The following HSD17B2 variants were observed in gnomAD, a reference collection of about 807,000 sequenced individuals.
HSD17B2 encodes the protein 17-beta-hydroxysteroid dehydrogenase type 2.
Under a neutral mutation model 26.9 loss-of-function variants are expected in HSD17B2, and 32 were observed. The observed-to-expected ratio is 1.19, with a 90% CI of 0.90 to 1.60. The LOEUF (loss-of-function observed/expected upper bound fraction) is 1.60, where lower values mean the gene tolerates loss of function less well. HSD17B2 is among the 40% of genes most tolerant of loss of function. HSD17B2 has a pLI of 0.00. For synonymous variants in HSD17B2, 246 were observed against 186.7 expected, an observed-to-expected ratio of 1.32 and a Z score of -2.59; for missense variants, 613 against 468.6, an observed-to-expected ratio of 1.31 and a Z score of -2.85.
At chr16:82,044,910 G>C (rs1348027966) in intron 1 of HSD17B2, among the ~76,000 whole-genome samples, 1 of 152,090 alleles carries the variant, frequency 6.6e-6, no homozygotes, top group Non-Finnish European at 1.5e-5. Flanking sequence ...CTGAGGTCAG[G>C]AGTTCGAGAC....
chr16:82,049,449 G>T (rs1283986321), intron 1 of HSD17B2, among the ~76,000 whole-genome samples: 2 of 152,196 alleles, frequency 1.3e-5, no homozygotes, highest in African/African-American at 4.8e-5. Context: ...GTCACATGAT[G>T]GGTGCCCCAT....
intron 1 of HSD17B2, among the ~76,000 whole-genome samples, chr16:82,065,564 C>T (rs978724949): frequency 2.6e-5 from 4 of 152,164 alleles, no homozygotes; most frequent in African/African-American, 9.7e-5. Context: ...AGGCTGTCCA[C>T]GAAACACTTG....
chr16:82,072,931 G>A (rs1248355359), intron 3 of HSD17B2, among the ~76,000 whole-genome samples: 1 of 152,116 alleles, frequency 6.6e-6, no homozygotes, highest in African/African-American at 2.4e-5. Context: ...CAGGCATTGT[G>A]GCATGTGCCT....
At chr16:82,090,101 A>G (rs1366134488) in intron 3 of HSD17B2, 3 of 344,810 alleles carry the variant, frequency 8.7e-6, no homozygotes, top group Non-Finnish European at 1.2e-5. Context: ...ATGCCCCACC[A>G]TTTCCCAGGA....
At chr16:82,056,006 T>C (rs1336849332) in intron 1 of HSD17B2, among the ~76,000 whole-genome samples, 2 of 152,210 alleles carry the variant, frequency 1.3e-5, no homozygotes, top group Non-Finnish European at 2.9e-5. Context: ...TCAATGGTGG[T>C]AATTAGCAAT....
At chr16:82,055,474 G>A (rs1013381287) in intron 1 of HSD17B2, among the ~76,000 whole-genome samples, 5 of 152,168 alleles carry the variant, frequency 3.3e-5, no homozygotes, top group African/African-American at 1.2e-4. Context: ...AGAGTACATG[G>A]CACATGCTCA....
At chr16:82,087,311 A>G (rs901180486) in intron 3 of HSD17B2, among the ~76,000 whole-genome samples, 2 of 152,176 alleles carry the variant, frequency 1.3e-5, no homozygotes, top group African/African-American at 2.4e-5. Context: ...TGAGAAAATT[A>G]AAAGTTAAAT....
At chr16:82,072,720 G>C (rs774732748) in intron 3 of HSD17B2, among the ~76,000 whole-genome samples, 1 of 152,186 alleles carries the variant, frequency 6.6e-6, no homozygotes, top group Non-Finnish European at 1.5e-5. Context: ...GTATGAACGA[G>C]TGAAAAATGG....
chr16:82,092,040 T>A (rs1181640637), intron 4 of HSD17B2: 1 of 152,196 alleles, frequency 6.6e-6, no homozygotes, highest in East Asian at 1.9e-4. Context: ...CAATTTTGAT[T>A]ATTTTCATTG....
intron 3 of HSD17B2, 67 bp from the exon 4 acceptor site, chr16:82,090,835 A>G (rs1904670557): frequency 7.0e-7 from 1 of 1,438,066 alleles, no homozygotes; most frequent in Admixed American, 2.3e-5. Flanking sequence ...GACACTGATT[A>G]AATATTTATT....
intron 1 of HSD17B2, among the ~76,000 whole-genome samples, chr16:82,050,856 G>A (rs1914085645): frequency 6.6e-6 from 1 of 152,028 alleles, no homozygotes; most frequent in African/African-American, 2.4e-5. Context: ...GACATTTGGG[G>A]CTGGAAAATT....
intron 1 of HSD17B2, among the ~76,000 whole-genome samples, chr16:82,064,785 G>T (rs942618611): frequency 6.6e-6 from 1 of 152,192 alleles, no homozygotes; most frequent in African/African-American, 2.4e-5. Context: ...TATGTCTGTG[G>T]ACAACATCTG....
At chr16:82,087,148 C>A (rs1017100769) in intron 3 of HSD17B2, among the ~76,000 whole-genome samples, 3 of 152,090 alleles carry the variant, frequency 2.0e-5, no homozygotes, top group Non-Finnish European at 4.4e-5. Context: ...TCTTAAGTTA[C>A]CTAATGTTAG....
rs555365787 is a variant in HSD17B2, at chr16:82,070,831, C to G, written c.479-111C>G. 160 of 999,788 alleles carry G rather than the reference C, an allele frequency of 1.6e-4. 1 individual carries two copies. The South Asian group carries it at 2.4e-3, about 15-fold the overall frequency. 61.9% of individuals were successfully genotyped at this position (999,788 alleles called of 1,614,324 possible). On this transcript the variant is annotated intron_variant, in intron 2 of 4. Coordinates refer to ENST00000199936, the MANE Select transcript of HSD17B2 (RefSeq NM_002153.3). The stretch of plus-strand genomic sequence containing the variant: ...TGTCCAGTGGCAGACTCTAATCCCC[C>G]AGGAGACCTGGCTCACACGTAACAC...
At chr16:82,045,583 G>C (rs188373602) in intron 1 of HSD17B2, among the ~76,000 whole-genome samples, 1 of 152,190 alleles carries the variant, frequency 6.6e-6, no homozygotes, top group Non-Finnish European at 1.5e-5. Flanking sequence ...GAATATAGGC[G>C]ATGAGAGTTC....
At chr16:82,089,828 T>C (rs1221074995) in intron 3 of HSD17B2, among the ~76,000 whole-genome samples, 1 of 152,112 alleles carries the variant, frequency 6.6e-6, no homozygotes, top group Non-Finnish European at 1.5e-5. Flanking sequence ...ATTAATTAGA[T>C]TTAGGGCCCA....
At chr16:82,049,386 G>C (rs1456021967) in intron 1 of HSD17B2, among the ~76,000 whole-genome samples, 1 of 152,156 alleles carries the variant, frequency 6.6e-6, no homozygotes, top group Non-Finnish European at 1.5e-5. Context: ...CTAGATGACG[G>C]GTCATGTCAT....
chr16:82,046,416 T>C (rs545891833), intron 1 of HSD17B2, among the ~76,000 whole-genome samples: 2 of 152,178 alleles, frequency 1.3e-5, no homozygotes, highest in Admixed American at 6.5e-5. Flanking sequence ...AAACGCCTTA[T>C]AAGATAATTT....
intron 1 of HSD17B2, among the ~76,000 whole-genome samples, chr16:82,047,848 A>G (rs931833927): frequency 1.3e-5 from 2 of 152,238 alleles, no homozygotes; most frequent in Non-Finnish European, 2.9e-5. Context: ...GGCCCCAGTG[A>G]AAAACATGGT....
Sources: gnomAD v4.1 joint callset for allele counts (sites outside exome capture counted in the v4.1 genomes callset) on GRCh38, gnomAD v4.1.1 for gene constraint, MANE v1.5 for transcripts, NCBI Gene and HGNC (gene_info 2026-07-23, HGNC 2026-07-21) for gene names.